Variants in DTNA observed in about 807,000 individuals in gnomAD.
DTNA encodes the protein dystrobrevin alpha.
DTNA carries 43 observed loss-of-function variants against 100.7 expected under a neutral mutation model. The ratio of observed to expected loss-of-function variants is 0.43; its 90% CI spans 0.33 to 0.55. The LOEUF (loss-of-function observed/expected upper bound fraction) is 0.55, where lower values mean the gene tolerates loss of function less well. Among genes scored for constraint, DTNA ranks in the 20% least tolerant of loss-of-function variants. The pLI, the probability that DTNA is intolerant of heterozygous loss-of-function variation, is 0.04. For missense variants in DTNA, 798 were observed against 953.9 expected, an observed-to-expected ratio of 0.84 and a Z score of 2.15; for synonymous variants, 349 against 347.9, an observed-to-expected ratio of 1.00 and a Z score of -0.04.
chr18:34,650,512 T>C (rs2060321139), intron 1 of DTNA, among the ~76,000 whole-genome samples: 1 of 152,178 alleles, frequency 6.6e-6, no homozygotes, highest in Non-Finnish European at 1.5e-5. Context: ...GATCCTTTCC[T>C]TTTTCGACAC....
chr18:34,798,575 C>T (rs979963460), intron 4 of DTNA, among the ~76,000 whole-genome samples: 4 of 152,154 alleles, frequency 2.6e-5, no homozygotes, highest in East Asian at 1.9e-4. Flanking sequence ...TATCTTCTTT[C>T]GTAAGACAGT....
chr18:34,858,490 G>T, intron 16 of DTNA, 92 bp downstream of exon 16: 1 of 1,244,348 alleles, frequency 8.0e-7, no homozygotes. Context: ...ACAGTCCTCA[G>T]CTACCTTAGC....
rs1162748233 is a variant in DTNA, at chr18:34,580,693, T to C, written c.-2+87179T>C. Among the ~76,000 whole-genome samples, 3 of 152,184 alleles carry C rather than the reference T, an allele frequency of 2.0e-5. No homozygotes were observed. The East Asian group carries it at 5.8e-4, about 29-fold the overall frequency. On this transcript the variant is annotated intron_variant, in intron 1 of 19. Transcript: ENST00000283365. ...GACCACGGAGGATCTCTTTCTTCTT[T>C]ACACTCCAGCACCAAGCTTTCCAGG... is the stretch of plus-strand genomic sequence containing the variant.
At chr18:34,532,898 A>G (rs891514731) in intron 1 of DTNA, among the ~76,000 whole-genome samples, 6 of 151,964 alleles carry the variant, frequency 3.9e-5, no homozygotes, top group South Asian at 2.1e-4. Flanking sequence ...AAGGTGAGGA[A>G]TGGTTGGATA....
intron 15 of DTNA, among the ~76,000 whole-genome samples, chr18:34,852,960 TGTCTTCCTGG>T (rs1268985297): frequency 6.6e-6 from 1 of 152,210 alleles, no homozygotes; most frequent in African/African-American, 2.4e-5. Context: ...GTTTATTGTC[TGTCTTCCTGG>T]ACTGAAACGG....
chr18:34,701,241 TCTC>T (rs1280184615), intron 1 of DTNA, among the ~76,000 whole-genome samples: 2 of 152,144 alleles, frequency 1.3e-5, no homozygotes, highest in East Asian at 1.9e-4. Context: ...CCTCTATCCT[TCTC>T]CTGTTCCTCA....
At chr18:34,603,701 C>T (rs990683113) in intron 1 of DTNA, among the ~76,000 whole-genome samples, 3 of 152,090 alleles carry the variant, frequency 2.0e-5, no homozygotes, top group African/African-American at 2.4e-5. Context: ...AAGTGATTTG[C>T]TCCATTTTAC....
chr18:34,633,252 A>T (rs1176984774), intron 1 of DTNA, among the ~76,000 whole-genome samples: 3 of 152,152 alleles, frequency 2.0e-5, no homozygotes, highest in African/African-American at 7.2e-5. Context: ...TGCCCAGCCC[A>T]CAAAATCTCA....
chr18:34,866,162 C>G (rs773615687), intron 17 of DTNA: 1 of 1,614,132 alleles, frequency 6.2e-7, no homozygotes, highest in South Asian at 1.1e-5. Flanking sequence ...CAGGTCTTAA[C>G]TAACAGTGGA....
intron 2 of DTNA, among the ~76,000 whole-genome samples, chr18:34,759,730 G>A (rs1023472922): frequency 1.3e-5 from 2 of 152,142 alleles, no homozygotes; most frequent in African/African-American, 4.8e-5. Flanking sequence ...CGCCCAGGCT[G>A]GAGTGCAGTG....
chr18:34,712,258 C>A (rs111937071), intron 1 of DTNA, among the ~76,000 whole-genome samples: 5 of 152,080 alleles, frequency 3.3e-5, no homozygotes, highest in African/African-American at 1.2e-4. Flanking sequence ...CCCGCCGGTA[C>A]TGGAAAGGGT....
intron 1 of DTNA, among the ~76,000 whole-genome samples, chr18:34,728,374 A>G (rs557423637): frequency 1.1e-4 from 16 of 152,284 alleles, no homozygotes; most frequent in Non-Finnish European, 1.6e-4. Context: ...GGTTTGAGAA[A>G]TATCACTTCA....
At chr18:34,669,795 C>T (rs560990173) in intron 1 of DTNA, among the ~76,000 whole-genome samples, 24 of 152,280 alleles carry the variant, frequency 1.6e-4, no homozygotes, top group African/African-American at 2.4e-4. Context: ...CAGAGAGATC[C>T]GCTGTTAGTC....
intron 1 of DTNA, among the ~76,000 whole-genome samples, chr18:34,698,037 C>A (rs985468890): frequency 6.6e-6 from 1 of 152,232 alleles, no homozygotes; most frequent in South Asian, 2.1e-4. Flanking sequence ...TCACACAATG[C>A]GTCATCTGCT....
At chr18:34,817,352 ATTG>A (rs1454442426) in intron 7 of DTNA, among the ~76,000 whole-genome samples, 1 of 152,036 alleles carries the variant, frequency 6.6e-6, no homozygotes, top group African/African-American at 2.4e-5. Flanking sequence ...AAGAATTGTT[ATTG>A]TTGTTTTAGT....
intron 1 of DTNA, among the ~76,000 whole-genome samples, chr18:34,697,974 A>G (rs2080821895): frequency 6.6e-6 from 1 of 152,166 alleles, no homozygotes; most frequent in African/African-American, 2.4e-5. Context: ...CAGTAACGTT[A>G]TTTTCAGAGA....
At chr18:34,879,462 C>T in intron 19 of DTNA, 89 bp from the exon 20 acceptor site, 1 of 1,301,322 alleles carries the variant, frequency 7.7e-7, no homozygotes. Context: ...TTACACAGCA[C>T]AGGTTGATTT....
chr18:34,624,216 T>C (rs1380092620), intron 1 of DTNA, among the ~76,000 whole-genome samples: 1 of 152,156 alleles, frequency 6.6e-6, no homozygotes, highest in Non-Finnish European at 1.5e-5. Flanking sequence ...ACAATGAAAA[T>C]TCAATTTCAA....
upstream of DTNA, among the ~76,000 whole-genome samples, chr18:34,705,590 A>G (rs2146310367): frequency 6.6e-6 from 1 of 152,328 alleles, no homozygotes; most frequent in East Asian, 1.9e-4. Flanking sequence ...CATAAATAAA[A>G]ATCAATAAAA....
Sources: allele counts gnomAD v4.1 joint callset (sites outside exome capture counted in the v4.1 genomes callset), GRCh38; gene constraint gnomAD v4.1.1; transcripts MANE v1.5; gene names NCBI Gene and HGNC (gene_info 2026-07-23, HGNC 2026-07-21).